Variants in PPP2R2B observed in about 807,000 individuals in gnomAD.
PPP2R2B encodes serine/threonine-protein phosphatase 2A 55 kDa regulatory subunit B beta isoform.
In PPP2R2B, 5 loss-of-function variants were observed where a neutral mutation model predicts 46.0. That is an observed-to-expected ratio of 0.11 (90% CI 0.06 to 0.23). The LOEUF (loss-of-function observed/expected upper bound fraction) is 0.23. Among genes scored for constraint, PPP2R2B ranks in the 10% least tolerant of loss-of-function variants. The probability of loss-of-function intolerance (pLI) is 1.00; values close to 1 mark genes in which losing one functional copy is unlikely to be tolerated. For synonymous variants in PPP2R2B, 215 were observed against 206.7 expected (o/e 1.04, Z -0.34); for missense variants, 367 against 575.0 (o/e 0.64, Z 3.70).
chr5:146,714,177 A>G (rs1780360449), intron 2 of PPP2R2B, among the ~76,000 whole-genome samples: 1 of 152,206 alleles, frequency 6.6e-6, no homozygotes, highest in Non-Finnish European at 1.5e-5. Flanking sequence ...AACCAAGTGA[A>G]GTTCAGACAA....
At chr5:146,892,581 A>G (rs1762522006) in intron 1 of PPP2R2B, among the ~76,000 whole-genome samples, 1 of 152,104 alleles carries the variant, frequency 6.6e-6, no homozygotes, top group South Asian at 2.1e-4. Flanking sequence ...TACCCCTTCC[A>G]AGCCACGCTC....
chr5:146,982,296 C>A (rs1753214807), intron 1 of PPP2R2B, among the ~76,000 whole-genome samples: 1 of 152,082 alleles, frequency 6.6e-6, no homozygotes, highest in Non-Finnish European at 1.5e-5. Flanking sequence ...TATTTATTTT[C>A]CTCAAGACTT....
intron 1 of PPP2R2B, among the ~76,000 whole-genome samples, chr5:146,902,242 T>C (rs1402376401): frequency 6.6e-6 from 1 of 152,126 alleles, no homozygotes; most frequent in Non-Finnish European, 1.5e-5. Flanking sequence ...TCTGTCAAAA[T>C]ACTTCCTGAG....
intron 1 of PPP2R2B, among the ~76,000 whole-genome samples, chr5:146,987,544 C>G (rs558300331): frequency 9.7e-4 from 147 of 151,998 alleles, no homozygotes; most frequent in African/African-American, 3.3e-3. Flanking sequence ...CAATTAAAGT[C>G]AGGTTATCAT....
intron 1 of PPP2R2B, among the ~76,000 whole-genome samples, chr5:147,049,816 A>G (rs1380699693): frequency 6.6e-6 from 1 of 152,218 alleles, no homozygotes; most frequent in African/African-American, 2.4e-5. Context: ...GACTCTCACA[A>G]GAGCAATTTT....
intron 7 of PPP2R2B, among the ~76,000 whole-genome samples, chr5:146,622,345 G>A (rs1483466569): frequency 6.6e-6 from 1 of 152,190 alleles, no homozygotes; most frequent in Non-Finnish European, 1.5e-5. Context: ...AGTAATGCAT[G>A]TGCCATTATT....
intron 1 of PPP2R2B, among the ~76,000 whole-genome samples, chr5:146,967,522 C>T (rs190609219): frequency 6.6e-6 from 1 of 152,138 alleles, no homozygotes; most frequent in African/African-American, 2.4e-5. Context: ...TAAACCAGAG[C>T]GCTGGTTTGA....
chr5:146,654,746 G>A (rs1024205172), intron 5 of PPP2R2B, among the ~76,000 whole-genome samples: 2 of 152,168 alleles, frequency 1.3e-5, no homozygotes, highest in Non-Finnish European at 2.9e-5. Flanking sequence ...TGAGGTCTGA[G>A]AGGTTAAGCA....
At chr5:147,011,449 T>A (rs903642570) in intron 1 of PPP2R2B, among the ~76,000 whole-genome samples, 3 of 152,202 alleles carry the variant, frequency 2.0e-5, no homozygotes, top group Non-Finnish European at 4.4e-5. Flanking sequence ...TATAACTTGC[T>A]GTCTATGCAC....
rs1025540811 is a variant in PPP2R2B, at chr5:146,583,130, T to C, written c.*6817A>G. ...CTGTCCTATCCTGATGTCTGGAATA[T>C]GCTTTTCCTTTCTCTTCTCCTGGAT... On this transcript the variant is annotated 3_prime_UTR_variant, in exon 10 of 10. Transcript: ENST00000394411. 14 of 152,234 alleles carry C rather than the reference T, an allele frequency of 9.2e-5. No homozygotes were observed. Among genetic ancestry groups the C allele is most frequent in the African/African-American group, 3.4e-4 (14 of 41,440 alleles). 9.4% of individuals were successfully genotyped at this position (152,234 alleles called of 1,614,324 possible).
intron 2 of PPP2R2B, among the ~76,000 whole-genome samples, chr5:146,826,777 A>G (rs1459969893): frequency 6.6e-6 from 1 of 152,120 alleles, no homozygotes; most frequent in Non-Finnish European, 1.5e-5. Context: ...CCCTCCCTCC[A>G]AGAACATTCA....
chr5:146,748,280 T>C (rs1375355467), intron 2 of PPP2R2B, among the ~76,000 whole-genome samples: 1 of 152,150 alleles, frequency 6.6e-6, no homozygotes, highest in East Asian at 1.9e-4. Context: ...AATTAAGCTT[T>C]TAATTTTGAG....
intron 5 of PPP2R2B, among the ~76,000 whole-genome samples, chr5:146,680,242 G>C (rs1393639523): frequency 6.7e-6 from 1 of 148,688 alleles, no homozygotes. Flanking sequence ...CATGTCCTTT[G>C]TAGGGACATG....
At chr5:146,698,273 G>A in intron 3 of PPP2R2B, 129 bp from the exon 4 acceptor site, 2 of 292,910 alleles carry the variant, frequency 6.8e-6, no homozygotes, top group Admixed American at 5.8e-5. Flanking sequence ...ATGAGGGCAG[G>A]GCCATGATAG....
chr5:146,629,608 C>T (rs188105287), intron 7 of PPP2R2B, among the ~76,000 whole-genome samples: 1 of 152,206 alleles, frequency 6.6e-6, no homozygotes, highest in Admixed American at 6.5e-5. Context: ...CATGGTTTCC[C>T]ATCTCACTTA....
chr5:146,812,393 T>A (rs1757604815), intron 2 of PPP2R2B, among the ~76,000 whole-genome samples: 1 of 144,418 alleles, frequency 6.9e-6, no homozygotes, highest in African/African-American at 2.6e-5. Context: ...TTGGGCAAGT[T>A]GTCTTCTCTG....
chr5:146,993,959 G>A (rs1404123164), intron 1 of PPP2R2B, among the ~76,000 whole-genome samples: 1 of 152,140 alleles, frequency 6.6e-6, no homozygotes, highest in African/African-American at 2.4e-5. Flanking sequence ...TGTGTGACCT[G>A]CAGAAAACTT....
At chr5:146,913,243 C>T (rs188604307) in intron 1 of PPP2R2B, among the ~76,000 whole-genome samples, 34 of 152,266 alleles carry the variant, frequency 2.2e-4, no homozygotes, top group Middle Eastern at 3.4e-3. Flanking sequence ...TTATTATTGC[C>T]TCTTCAGGAT....
intron 1 of PPP2R2B, among the ~76,000 whole-genome samples, chr5:146,989,592 A>G (rs1753595740): frequency 6.6e-6 from 1 of 152,072 alleles, no homozygotes; most frequent in African/African-American, 2.4e-5. Context: ...ATAAAGGAAC[A>G]TACCTCGATA....
Sources: allele counts gnomAD v4.1 joint callset (sites outside exome capture counted in the v4.1 genomes callset), GRCh38; gene constraint gnomAD v4.1.1; transcripts MANE v1.5; gene names NCBI Gene and HGNC (gene_info 2026-07-23, HGNC 2026-07-21).